The following UVRAG variants were observed in gnomAD, a reference collection of about 807,000 sequenced individuals.
UVRAG encodes UV radiation resistance associated, also known as UV radiation resistance-associated gene protein.
UVRAG carries 19 observed loss-of-function variants against 78.0 expected under a neutral mutation model. The observed-to-expected ratio is 0.24, with a 90% CI of 0.17 to 0.36. UVRAG has a LOEUF of 0.36. UVRAG is among the 10% of genes least tolerant of loss of function. The pLI is 1.00. For missense variants in UVRAG, 740 were observed against 853.8 expected (o/e 0.87, Z 1.66); for synonymous variants, 323 against 324.6 (o/e 1.00, Z 0.05).
intron 14 of UVRAG, among the ~76,000 whole-genome samples, chr11:76,125,980 C>T (rs183735701): frequency 2.7e-5 from 4 of 146,268 alleles, no homozygotes; most frequent in Admixed American, 6.8e-5. Context: ...GACAGAGTCT[C>T]GCTCTGTCAC....
At chr11:76,045,963 C>T (rs1420562825) in intron 12 of UVRAG, among the ~76,000 whole-genome samples, 1 of 152,046 alleles carries the variant, frequency 6.6e-6, no homozygotes, top group African/African-American at 2.4e-5. Flanking sequence ...AGGTACATCA[C>T]TGTGAAATTA....
intron 13 of UVRAG, among the ~76,000 whole-genome samples, chr11:76,094,219 T>C (rs1010476250): frequency 5.9e-5 from 9 of 152,186 alleles, no homozygotes; most frequent in Non-Finnish European, 8.8e-5. Context: ...CACTTGATCA[T>C]GGTGGATAAG....
chr11:76,049,072 G>A (rs532045797), intron 12 of UVRAG, among the ~76,000 whole-genome samples: 13 of 152,324 alleles, frequency 8.5e-5, no homozygotes, highest in Non-Finnish European at 1.6e-4. Context: ...GCTCTCAGCC[G>A]CTATTGTTTG....
intron 9 of UVRAG, among the ~76,000 whole-genome samples, chr11:76,004,692 C>T (rs919266503): frequency 1.6e-4 from 24 of 151,996 alleles, no homozygotes; most frequent in Admixed American, 1.1e-3. Context: ...GTGGTGCAGT[C>T]GTAGCTCACT....
chr11:76,125,922 CAT>C (rs1482495149), intron 14 of UVRAG, among the ~76,000 whole-genome samples: 1 of 150,430 alleles, frequency 6.6e-6, no homozygotes, highest in African/African-American at 2.4e-5. Context: ...ATGAGCCATA[CAT>C]ATAAATTTAA....
intron 12 of UVRAG, among the ~76,000 whole-genome samples, chr11:76,049,593 G>A (rs539932823): frequency 6.6e-6 from 1 of 152,276 alleles, no homozygotes; most frequent in East Asian, 1.9e-4. Flanking sequence ...TGGAGAGCAT[G>A]GAATAGAATA....
At chr11:76,068,888 G>C (rs544195671) in intron 13 of UVRAG, among the ~76,000 whole-genome samples, 29 of 152,248 alleles carry the variant, frequency 1.9e-4, no homozygotes, top group African/African-American at 7.0e-4. Context: ...AGTTCCATAT[G>C]TACCCATCTT....
chr11:75,819,176 C>T (rs556336853), intron 1 of UVRAG, among the ~76,000 whole-genome samples: 15 of 152,300 alleles, frequency 9.8e-5, no homozygotes, highest in African/African-American at 3.6e-4. Context: ...AAAGTTAACA[C>T]TGCAAACACC....
In UVRAG at chr11:76,144,058, GC is replaced by G. The variant is rs1952766806; in HGVS notation, c.*2648del. On this transcript the variant is annotated 3_prime_UTR_variant, in exon 15 of 15. Transcript: ENST00000356136. ...CAGAATATTAGTTTTGGAAGATTGT[GC>G]CCAGCTATATATTTTTTAGCAGTTC... is the stretch of plus-strand genomic sequence containing the variant. Among the ~76,000 whole-genome samples, 1 of 152,106 alleles carries G rather than the reference GC, an allele frequency of 6.6e-6. No individual in the cohort carries two copies. Among genetic ancestry groups the G allele is most frequent in the African/African-American group, 2.4e-5 (1 of 41,426 alleles).
chr11:75,898,425 A>ATC (rs939815349), intron 5 of UVRAG, among the ~76,000 whole-genome samples: 1 of 151,920 alleles, frequency 6.6e-6, no homozygotes, highest in African/African-American at 2.4e-5. Context: ...TGAATTGTCT[A>ATC]TCTCTCTCTC....
Position 76,094,423 on chromosome 11 carries a change from A to C in UVRAG, c.1306-21501A>C, listed in dbSNP as rs112248629. Reference sequence around the variant, plus strand: ...TTTTTCTCTTGATTGGAATAGTTTCAGAAGGAATGGTACCAGCTCCTCCTT... The same window carrying C: ...TTTTTCTCTTGATTGGAATAGTTTCCGAAGGAATGGTACCAGCTCCTCCTT... On this transcript the variant is annotated intron_variant, in intron 13 of 14. Transcript: ENST00000356136. 1.6e-3 allele frequency among the ~76,000 whole-genome samples: 241 copies of C among 152,320 alleles called. 1 individual carries two copies. The highest frequency in any genetic ancestry group is 5.5e-3 in the African/African-American group (230 of 41,576).
rs1243195858 is a variant in UVRAG, at chr11:76,033,538, A to G, written c.1226+16558A>G. On this transcript the variant is annotated intron_variant, in intron 12 of 14. Transcript: ENST00000356136. ...AAGACCATATTATGAGAAATGGTCT[A>G]TAAGTTTGATTTAAGAAAAAAAAAC... 3.4e-4 allele frequency among the ~76,000 whole-genome samples: 52 copies of G among 152,176 alleles called. 1 individual carries two copies. Among genetic ancestry groups the G allele is most frequent in the Admixed American group, 3.2e-3 (49 of 15,278 alleles).
chr11:76,133,307 C>T (rs533689367), intron 14 of UVRAG, among the ~76,000 whole-genome samples: 2 of 152,214 alleles, frequency 1.3e-5, no homozygotes, highest in South Asian at 2.1e-4. Flanking sequence ...ATCAGTGTCT[C>T]GTGTTTCCTA....
intron 1 of UVRAG, among the ~76,000 whole-genome samples, chr11:75,843,659 G>T (rs1945964633): frequency 6.6e-6 from 1 of 152,050 alleles, no homozygotes; most frequent in South Asian, 2.1e-4. Context: ...AGGGCCAGTA[G>T]GGGCAAAAAA....
intron 8 of UVRAG, among the ~76,000 whole-genome samples, chr11:75,998,003 A>G (rs1478721106): frequency 3.3e-5 from 5 of 152,310 alleles, no homozygotes; most frequent in African/African-American, 1.2e-4. Flanking sequence ...ACTTAAAGTG[A>G]CTGGACTTTT....
chr11:75,843,417 A>C (rs575005370), intron 1 of UVRAG, among the ~76,000 whole-genome samples: 164 of 152,358 alleles, frequency 1.1e-3, no homozygotes, highest in African/African-American at 3.9e-3. Flanking sequence ...TAAACCTTAC[A>C]GTATAAGTTC....
chr11:76,050,732 AT>A (rs911522684), intron 12 of UVRAG, among the ~76,000 whole-genome samples: 5 of 152,224 alleles, frequency 3.3e-5, no homozygotes, highest in Admixed American at 1.3e-4. Flanking sequence ...TGGGTCATAG[AT>A]TTTTTTTAAA....
At chr11:76,105,193 A>G (rs7108353) in intron 13 of UVRAG, among the ~76,000 whole-genome samples, 1 of 152,080 alleles carries the variant, frequency 6.6e-6, no homozygotes, top group Non-Finnish European at 1.5e-5. Flanking sequence ...AAATAAACAT[A>G]TGAAAAAAGT....
chr11:75,848,196 C>CA (rs367973408), intron 1 of UVRAG, among the ~76,000 whole-genome samples: 253 of 116,246 alleles, frequency 2.2e-3, no homozygotes, highest in Middle Eastern at 0.018. Flanking sequence ...GACCCTGTCT[C>CA]AAAAAAAAAA....
Sources: gnomAD v4.1 joint callset for allele counts (sites outside exome capture counted in the v4.1 genomes callset) on GRCh38, gnomAD v4.1.1 for gene constraint, MANE v1.5 for transcripts, NCBI Gene and HGNC (gene_info 2026-07-23, HGNC 2026-07-21) for gene names.